The following RBFOX1 variants were observed in gnomAD, a reference collection of about 807,000 sequenced individuals.
The protein encoded by RBFOX1 is RNA binding protein fox-1 homolog 1.
Under a neutral mutation model 57.7 loss-of-function variants are expected in RBFOX1, and 8 were observed. The ratio of observed to expected loss-of-function variants is 0.14; its 90% CI spans 0.08 to 0.25. RBFOX1 has a LOEUF of 0.25. Among genes scored for constraint, RBFOX1 ranks in the 10% least tolerant of loss-of-function variants. RBFOX1 has a pLI of 1.00. For missense variants in RBFOX1, 611 were observed against 548.5 expected, an observed-to-expected ratio of 1.11 and a Z score of -1.14; for synonymous variants, 326 against 222.4, an observed-to-expected ratio of 1.47 and a Z score of -4.15.
intron 3 of RBFOX1, among the ~76,000 whole-genome samples, chr16:6,938,371 C>T (rs761091307): frequency 1.2e-4 from 18 of 152,108 alleles, no homozygotes; most frequent in Non-Finnish European, 2.4e-4. Flanking sequence ...GTTAGCACAG[C>T]ACATAGAGCA....
intron 2 of RBFOX1, among the ~76,000 whole-genome samples, chr16:6,537,444 C>G (rs79619801): frequency 0.027 from 4,137 of 152,208 alleles, 165 homozygotes; most frequent in African/African-American, 0.072. Context: ...TTAACACTCA[C>G]AACAGTATAG....
At chr16:7,302,633 CAAA>C (rs562030708) in intron 4 of RBFOX1, among the ~76,000 whole-genome samples, 2 of 113,966 alleles carry the variant, frequency 1.8e-5, no homozygotes, top group South Asian at 2.5e-4. Flanking sequence ...GGTCTGAAAA[CAAA>C]AAAAAAAAAA....
At chr16:5,271,709 A>G (rs1383193907) in intron 1 of RBFOX1, among the ~76,000 whole-genome samples, 1 of 152,194 alleles carries the variant, frequency 6.6e-6, no homozygotes, top group African/African-American at 2.4e-5. Flanking sequence ...TATTCTTCCT[A>G]TTGGAAACTT....
intron 3 of RBFOX1, among the ~76,000 whole-genome samples, chr16:5,749,598 C>T (rs529984486): frequency 2.6e-5 from 4 of 152,278 alleles, no homozygotes; most frequent in Admixed American, 6.5e-5. Flanking sequence ...CTTCTCTTCT[C>T]GCTTCATTTC....
intron 3 of RBFOX1, among the ~76,000 whole-genome samples, chr16:7,044,869 C>G (rs76252681): frequency 0.016 from 2,366 of 152,242 alleles, 38 homozygotes; most frequent in East Asian, 0.093. Context: ...TCTCCCCACC[C>G]GGAGCCTCTC....
intron 1 of RBFOX1, among the ~76,000 whole-genome samples, chr16:6,153,337 C>G (rs1042692137): frequency 1.3e-5 from 2 of 152,096 alleles, no homozygotes; most frequent in African/African-American, 4.8e-5. Flanking sequence ...AAAAACAAAA[C>G]CATTTTGAAT....
At chr16:7,378,310 A>C (rs1357841052) in intron 4 of RBFOX1, among the ~76,000 whole-genome samples, 1 of 152,126 alleles carries the variant, frequency 6.6e-6, no homozygotes, top group Non-Finnish European at 1.5e-5. Context: ...GGTGATGACG[A>C]AGCTTCTATC....
chr16:5,360,956 A>T (rs1005604728), intron 1 of RBFOX1, among the ~76,000 whole-genome samples: 2 of 152,160 alleles, frequency 1.3e-5, no homozygotes, highest in African/African-American at 4.8e-5. Flanking sequence ...TTCTGCGGTG[A>T]GGAGGTGTGT....
intron 4 of RBFOX1, among the ~76,000 whole-genome samples, chr16:7,161,820 A>C (rs542241444): frequency 6.6e-6 from 1 of 152,340 alleles, no homozygotes; most frequent in African/African-American, 2.4e-5. Context: ...AGAAGTTTCT[A>C]GTCAGTCCTA....
chr16:5,452,676 C>T (rs187332558), intron 1 of RBFOX1, among the ~76,000 whole-genome samples: 1 of 151,570 alleles, frequency 6.6e-6, no homozygotes, highest in African/African-American at 2.4e-5. Flanking sequence ...CAGAGTCTCA[C>T]TCTGTCACCC....
chr16:5,585,164 C>G (rs2046791089), intron 2 of RBFOX1, among the ~76,000 whole-genome samples: 1 of 152,150 alleles, frequency 6.6e-6, no homozygotes, highest in Non-Finnish European at 1.5e-5. Context: ...GGAACTACTC[C>G]CCATCCTGCC....
At chr16:7,494,924 C>G (rs763183923) in intron 4 of RBFOX1, among the ~76,000 whole-genome samples, 84 of 143,386 alleles carry the variant, frequency 5.9e-4, no homozygotes, top group Non-Finnish European at 8.5e-4. Flanking sequence ...GTATATTGGA[C>G]CAAGGTAATG....
At chr16:6,071,898 C>G (rs952616877) in intron 1 of RBFOX1, among the ~76,000 whole-genome samples, 2 of 152,196 alleles carry the variant, frequency 1.3e-5, no homozygotes, top group African/African-American at 2.4e-5. Context: ...CATAAATGTA[C>G]AAATGTCAGG....
intron 3 of RBFOX1, among the ~76,000 whole-genome samples, chr16:5,828,921 T>G (rs2056169361): frequency 6.6e-6 from 1 of 152,214 alleles, no homozygotes; most frequent in Non-Finnish European, 1.5e-5. Flanking sequence ...TTTCACTGTT[T>G]CTGTGGGTCA....
chr16:5,453,081 C>G (rs2068477330), intron 1 of RBFOX1, among the ~76,000 whole-genome samples: 1 of 152,172 alleles, frequency 6.6e-6, no homozygotes, highest in Non-Finnish European at 1.5e-5. Flanking sequence ...TAGCAATTCC[C>G]TCCTCTAATC....
At chr16:7,041,883 C>T (rs1319867354) in intron 3 of RBFOX1, among the ~76,000 whole-genome samples, 2 of 151,932 alleles carry the variant, frequency 1.3e-5, no homozygotes, top group Non-Finnish European at 2.9e-5. Context: ...ATTATGCTCA[C>T]AATAAAATTA....
At chr16:6,835,410 T>G (rs2093020708) in intron 3 of RBFOX1, among the ~76,000 whole-genome samples, 1 of 152,108 alleles carries the variant, frequency 6.6e-6, no homozygotes, top group East Asian at 1.9e-4. Flanking sequence ...GACACAAGAT[T>G]CAGAATCACA....
chr16:6,261,914 C>A (rs1427103436), intron 1 of RBFOX1, among the ~76,000 whole-genome samples: 1 of 151,942 alleles, frequency 6.6e-6, no homozygotes, highest in Non-Finnish European at 1.5e-5. Context: ...TCGATAATCC[C>A]AGATACTTGG....
chr16:5,709,696 T>C (rs74006221), intron 3 of RBFOX1, among the ~76,000 whole-genome samples: 23 of 122,844 alleles, frequency 1.9e-4, no homozygotes, highest in African/African-American at 6.0e-4. Flanking sequence ...GAAATTCATC[T>C]GACACCTGGT....
Sources: gnomAD v4.1 joint callset for allele counts (sites outside exome capture counted in the v4.1 genomes callset) on GRCh38, gnomAD v4.1.1 for gene constraint, MANE v1.5 for transcripts, NCBI Gene and HGNC (gene_info 2026-07-23, HGNC 2026-07-21) for gene names.